SFI1: variants seen among roughly 807,000 people sequenced by gnomAD.
SFI1 encodes protein SFI1 homolog.
Under a neutral mutation model 207.5 loss-of-function variants are expected in SFI1, and 195 were observed. The observed-to-expected ratio is 0.94, with a 90% CI of 0.84 to 1.06. SFI1 has a LOEUF of 1.06. Among genes scored for constraint, SFI1 ranks in the 50% least tolerant of loss-of-function variants. The probability of loss-of-function intolerance (pLI) is 0.00; values close to 1 mark genes in which losing one functional copy is unlikely to be tolerated. For missense variants in SFI1, 1,634 were observed against 1,588.0 expected (o/e 1.03, Z -0.49); for synonymous variants, 630 against 598.9 (o/e 1.05, Z -0.76).
At position 31,617,095 on chromosome 22, in the gene SFI1, G is replaced by A. The variant is rs539072237; in HGVS notation, c.3512+17G>A. ...GAACCTCTGGTGAGCCCTGCGAAAC[G>A]CCCTGCAGCCCTGGCTACAGGAGCA... On this transcript the variant is annotated intron_variant, in intron 31 of 32. Coordinates refer to ENST00000400288, the MANE Select transcript of SFI1 (RefSeq NM_001007467.3). 2.9e-5 allele frequency: 47 copies of A among 1,613,354 alleles called. No individual in the cohort carries two copies. Among genetic ancestry groups the A allele is most frequent in the African/African-American group, 2.0e-4 (15 of 75,024 alleles).
At chr22:31,609,612 T>A (rs1417162396) in intron 22 of SFI1, among the ~76,000 whole-genome samples, 1 of 152,274 alleles carries the variant, frequency 6.6e-6, no homozygotes, top group Non-Finnish European at 1.5e-5. Flanking sequence ...TGGTTCCGAC[T>A]GTAGCGTGTG....
chr22:31,521,822 G>A (rs989510760), intron 2 of SFI1, among the ~76,000 whole-genome samples: 1 of 151,706 alleles, frequency 6.6e-6, no homozygotes, highest in Non-Finnish European at 1.5e-5. Context: ...GGAGGGCAGT[G>A]GCGTGATCTT....
chr22:31,548,364 G>A (rs1255983369), intron 5 of SFI1, among the ~76,000 whole-genome samples: 1 of 151,874 alleles, frequency 6.6e-6, no homozygotes, highest in Non-Finnish European at 1.5e-5. Context: ...GACGTTAGGA[G>A]TTCCAGACCA....
intron 18 of SFI1, among the ~76,000 whole-genome samples, 172 bp downstream of exon 18, chr22:31,603,991 A>G (rs2068542162): frequency 6.6e-6 from 1 of 152,200 alleles, no homozygotes; most frequent in Non-Finnish European, 1.5e-5. Context: ...TTGGCTCAAA[A>G]TTTTGTGTTC....
chr22:31,568,646 CT>C (rs1307027793), intron 8 of SFI1, among the ~76,000 whole-genome samples: 1 of 150,320 alleles, frequency 6.7e-6, no homozygotes, highest in Non-Finnish European at 1.5e-5. Flanking sequence ...GGAACCAGGG[CT>C]TTTTAGAGAA....
Position 31,613,434 on chromosome 22 carries a change from G to A in SFI1, c.2646G>A (p.Gln882=). 5 of 1,609,224 alleles carry A rather than the reference G, an allele frequency of 3.1e-6. No homozygotes were observed. Among genetic ancestry groups the A allele is most frequent in the Non-Finnish European group, 4.2e-6 (5 of 1,179,778 alleles). Residue 882 remains glutamine (Q), a synonymous_variant, in exon 26 of 33, where the codon CAG becomes CAA. Coordinates refer to ENST00000400288, the MANE Select transcript of SFI1 (RefSeq NM_001007467.3). ...TGCAGTGGGCGCTCCAGGCCTACCA[G>A]GGGCAGCTCCTCCAGGAGGGTGCCA... ...ARLQWALQAY[Q]GQLLQEGATR...
chr22:31,604,653 C>G, intron 19 of SFI1: 1 of 587,094 alleles, frequency 1.7e-6, no homozygotes, highest in Non-Finnish European at 3.0e-6. Flanking sequence ...CCCTGGAGTC[C>G]CATGGTTTGA....
chr22:31,573,836 C>T, intron 9 of SFI1, among the ~76,000 whole-genome samples: 1 of 151,988 alleles, frequency 6.6e-6, no homozygotes, highest in East Asian at 1.9e-4. Flanking sequence ...TTGTATCTTC[C>T]TTTTTTCCAC....
At chr22:31,523,910 C>G (rs2057575459) in intron 2 of SFI1, among the ~76,000 whole-genome samples, 1 of 150,912 alleles carries the variant, frequency 6.6e-6, no homozygotes, top group Non-Finnish European at 1.5e-5. Flanking sequence ...TGTATTAAAC[C>G]TAAGTTGCAA....
intron 20 of SFI1, 162 bp downstream of exon 20, chr22:31,605,107 GCCT>G: frequency 1.7e-6 from 1 of 604,784 alleles, no homozygotes; most frequent in Non-Finnish European, 2.8e-6. Context: ...TCACGGGTTC[GCCT>G]TCATGTCTTA....
At chr22:31,570,136 A>AT (rs895120812) in intron 8 of SFI1, among the ~76,000 whole-genome samples, 1 of 151,556 alleles carries the variant, frequency 6.6e-6, no homozygotes, top group African/African-American at 2.4e-5. Context: ...AAATAAATAA[A>AT]TAAATAAATA....
At chr22:31,497,888 T>A (rs2052997275) in intron 1 of SFI1, among the ~76,000 whole-genome samples, 1 of 152,236 alleles carries the variant, frequency 6.6e-6, no homozygotes, top group Admixed American at 6.5e-5. Context: ...CAAGGAACTC[T>A]GATGAAGATG....
At chr22:31,606,693 C>CTTTTTT (rs10524692) in intron 21 of SFI1, 161 of 115,442 alleles carry the variant, frequency 1.4e-3, no homozygotes, top group African/African-American at 2.4e-3. Context: ...TTCTTTTTTT[C>CTTTTTT]TTTTTTTTTT....
Position 31,578,456 on chromosome 22 carries a change from A to G in SFI1, c.1155+4A>G, listed in dbSNP as rs1240543737. ...GCACCACAGGCACAGCCAGCTGGTA[A>G]GAGCCCTGCATCCTGGCACGGGTCC... is the stretch of plus-strand genomic sequence containing the variant. On this transcript the variant is annotated splice_donor_region_variant and intron_variant, in intron 11 of 32. Coordinates refer to ENST00000400288, the MANE Select transcript of SFI1 (RefSeq NM_001007467.3). The G allele has an allele frequency of 6.2e-7, 1 of 1,612,990 alleles. No homozygotes were observed. Among genetic ancestry groups the G allele is most frequent in the Admixed American group, 1.7e-5 (1 of 59,966 alleles).
intron 8 of SFI1, among the ~76,000 whole-genome samples, chr22:31,567,793 T>A (rs2062478848): frequency 6.6e-6 from 1 of 152,146 alleles, no homozygotes. Context: ...ATTGCCAGAT[T>A]TTCAAAACAA....
At chr22:31,589,635 A>G (rs1046611091) in intron 15 of SFI1, 58 bp downstream of exon 15, 25 of 1,555,730 alleles carry the variant, frequency 1.6e-5, no homozygotes, top group East Asian at 2.3e-5. Context: ...AACTCTGACA[A>G]CCACACAGCC....
chr22:31,593,160 G>C (rs1304743488), intron 15 of SFI1, among the ~76,000 whole-genome samples: 1 of 150,586 alleles, frequency 6.6e-6, no homozygotes, highest in Non-Finnish European at 1.5e-5. Context: ...CTTCCCGGAC[G>C]GGGTGGCTGC....
chr22:31,609,680 C>T (rs2147210585), intron 22 of SFI1, among the ~76,000 whole-genome samples: 1 of 152,346 alleles, frequency 6.6e-6, no homozygotes, highest in South Asian at 2.1e-4. Flanking sequence ...GTCAGCCATC[C>T]CACACGGCTG....
chr22:31,514,719 A>C (rs1292954026), intron 2 of SFI1, among the ~76,000 whole-genome samples: 1 of 151,686 alleles, frequency 6.6e-6, no homozygotes, highest in Non-Finnish European at 1.5e-5. Flanking sequence ...TATTTCACTT[A>C]ATATAATGTT....
Sources: allele counts gnomAD v4.1 joint callset (sites outside exome capture counted in the v4.1 genomes callset), GRCh38; gene constraint gnomAD v4.1.1; transcripts MANE v1.5; gene names NCBI Gene and HGNC (gene_info 2026-07-23, HGNC 2026-07-21).